Variants in CPED1 observed in about 807,000 individuals in gnomAD.
CPED1 encodes the protein cadherin-like and PC-esterase domain-containing protein 1.
CPED1 carries 114 observed loss-of-function variants against 128.2 expected under a neutral mutation model. That is an observed-to-expected ratio of 0.89 (90% CI 0.76 to 1.04). The LOEUF is 1.04. Ranked by LOEUF, CPED1 falls within the 50% of genes least tolerant of loss-of-function variation. The pLI is 0.00. For missense variants in CPED1, 1,211 were observed against 1,207.1 expected (o/e 1.00, Z -0.05); for synonymous variants, 462 against 426.7 (o/e 1.08, Z -1.02).
At chr7:121,017,534 C>A (rs1792332689) in intron 3 of CPED1, among the ~76,000 whole-genome samples, 1 of 152,096 alleles carries the variant, frequency 6.6e-6, no homozygotes, top group African/African-American at 2.4e-5. Flanking sequence ...CTGCACACTG[C>A]CATGGGACCC....
In CPED1 at chr7:121,221,870, G is replaced by A. The variant is rs1188983958; in HGVS notation, c.2056-14844G>A. Among the ~76,000 whole-genome samples the A allele has an allele frequency of 2.6e-5, 4 of 152,210 alleles. No individual in the cohort carries two copies. The East Asian group carries it at 7.7e-4, about 29-fold the overall frequency. ...TCTGGATATTAGCCCTTTGTCAGAT[G>A]GGTAGATTGCAAAAATTTTCTCCCA... On this transcript the variant is annotated intron_variant, in intron 16 of 22. Transcript: ENST00000310396.
At chr7:121,223,886 T>G (rs1797942578) in intron 16 of CPED1, among the ~76,000 whole-genome samples, 1 of 152,122 alleles carries the variant, frequency 6.6e-6, no homozygotes, top group Non-Finnish European at 1.5e-5. Flanking sequence ...TCTATCAATT[T>G]TGTTGATCTT....
chr7:121,281,355 G>A (rs1792459172), intron 22 of CPED1, among the ~76,000 whole-genome samples: 1 of 152,122 alleles, frequency 6.6e-6, no homozygotes, highest in South Asian at 2.1e-4. Context: ...AATAGTGAAA[G>A]TTGCAATGTT....
intron 7 of CPED1, among the ~76,000 whole-genome samples, chr7:121,104,369 T>C (rs1794920596): frequency 6.6e-6 from 1 of 152,282 alleles, no homozygotes; most frequent in Admixed American, 6.5e-5. Context: ...AAAGATTAAC[T>C]GCAAGAAATG....
chr7:121,278,686 C>T (rs798906), intron 22 of CPED1, among the ~76,000 whole-genome samples: 76,467 of 151,960 alleles, frequency 0.5, 22,657 homozygotes, highest in African/African-American at 0.83. Flanking sequence ...AATAAATTCA[C>T]TGGTCATGAG....
At chr7:121,235,796 G>C (rs576539972) in intron 16 of CPED1, among the ~76,000 whole-genome samples, 15 of 152,186 alleles carry the variant, frequency 9.9e-5, no homozygotes, top group Admixed American at 3.9e-4. Flanking sequence ...GAAACAAAGG[G>C]GGAGCTGACA....
intron 17 of CPED1, among the ~76,000 whole-genome samples, chr7:121,239,996 G>C (rs1798349283): frequency 6.6e-6 from 1 of 152,060 alleles, no homozygotes; most frequent in African/African-American, 2.4e-5. Flanking sequence ...AAAATGTCAA[G>C]AGCACCAGTT....
chr7:121,042,106 G>A (rs1281149225), intron 3 of CPED1, among the ~76,000 whole-genome samples: 5 of 133,060 alleles, frequency 3.8e-5, no homozygotes, highest in Admixed American at 1.7e-4. Context: ...CTCCGCAACA[G>A]GGAAAGAAAT....
intron 2 of CPED1, among the ~76,000 whole-genome samples, chr7:121,002,928 G>T (rs1225581327): frequency 1.3e-5 from 2 of 152,146 alleles, no homozygotes; most frequent in Non-Finnish European, 2.9e-5. Context: ...AGCATTTATA[G>T]TAATGTAACC....
chr7:121,127,204 C>G lies in CPED1; in HGVS notation c.1249C>G (p.Leu417Val). The change falls in exon 10 of 23, where the codon CTT (leucine) becomes GTT (valine). Residue 417 changes from leucine (L) to valine (V), a missense_variant. Transcript: ENST00000310396. Reference protein sequence around the residue: ...FNFLFPNESSLSIFSEIFQRL... With the variant: ...FNFLFPNESSVSIFSEIFQRL... The stretch of plus-strand genomic sequence containing the variant: ...TTTTCTCTTCCCTAATGAATCATCA[C>G]TTTCCATATTTTCTGAGATATTTCA... 1.3e-6 allele frequency: 2 copies of G among 1,594,642 alleles called. No individual in the cohort carries two copies. The highest frequency in any genetic ancestry group is 1.7e-6 in the Non-Finnish European group (2 of 1,164,372).
rs529790827 is a variant in CPED1 at position 121,204,544 on chromosome 7, A to G, written c.2056-32170A>G. On this transcript the variant is annotated intron_variant, in intron 16 of 22. Coordinates refer to ENST00000310396, the MANE Select transcript of CPED1 (RefSeq NM_024913.5). ...CCTGCCCAAATCTGAATTGATCTCC[A>G]GAATGATGGGCAGAGCAAATCACAG... Among the ~76,000 whole-genome samples, 200 of 152,258 alleles carry G rather than the reference A, an allele frequency of 1.3e-3. 2 individuals are homozygous for G. The highest frequency in any genetic ancestry group is 1.6e-3 in the Non-Finnish European group (108 of 67,996).
chr7:121,059,991 C>G (rs1279342260), intron 4 of CPED1, among the ~76,000 whole-genome samples: 1 of 152,134 alleles, frequency 6.6e-6, no homozygotes, highest in Non-Finnish European at 1.5e-5. Flanking sequence ...GAGCGGGAAC[C>G]CGGGCTGCGC....
chr7:121,206,962 G>T (rs1181737549), intron 16 of CPED1, among the ~76,000 whole-genome samples: 1 of 151,826 alleles, frequency 6.6e-6, no homozygotes, highest in Non-Finnish European at 1.5e-5. Flanking sequence ...ATACACACCT[G>T]CATACATTTG....
chr7:121,093,766 G>C (rs2116197961), intron 5 of CPED1, among the ~76,000 whole-genome samples: 1 of 152,222 alleles, frequency 6.6e-6, no homozygotes, highest in Admixed American at 6.5e-5. Flanking sequence ...GCTTTTGCCT[G>C]GTTCTGGAAA....
intron 3 of CPED1, among the ~76,000 whole-genome samples, chr7:121,032,037 G>A (rs1196705841): frequency 1.3e-5 from 2 of 152,110 alleles, no homozygotes; most frequent in Admixed American, 6.5e-5. Context: ...TACATTGCTT[G>A]TGGAAATGTG....
chr7:121,230,787 A>G (rs565021935), intron 16 of CPED1, among the ~76,000 whole-genome samples: 50 of 152,108 alleles, frequency 3.3e-4, no homozygotes, highest in Non-Finnish European at 7.1e-4. Flanking sequence ...ACTGACCAGA[A>G]ATGTGTCAGT....
chr7:121,258,049 G>A lies in CPED1; in HGVS notation c.2311-8178G>A, dbSNP rs192202216. Among the ~76,000 whole-genome samples, 456 of 152,134 alleles carry A rather than the reference G, an allele frequency of 3.0e-3. 7 individuals are homozygous for A. The highest frequency in any genetic ancestry group is 0.028 in the Admixed American group (422 of 15,256). On this transcript the variant is annotated intron_variant, in intron 18 of 22. Transcript: ENST00000310396. The stretch of plus-strand genomic sequence containing the variant: ...AAAGTCTCAGGCTGGCAATCAGGAA[G>A]CCTAAGCTACAGTTCTGATCCCACC...
chr7:121,014,334 C>T (rs1361975058), intron 2 of CPED1, among the ~76,000 whole-genome samples: 2 of 152,012 alleles, frequency 1.3e-5, no homozygotes, highest in African/African-American at 2.4e-5. Flanking sequence ...GGGCGGATCA[C>T]GAGGTCAGGA....
intron 3 of CPED1, among the ~76,000 whole-genome samples, chr7:121,027,540 A>T (rs1230846321): frequency 6.6e-6 from 1 of 151,994 alleles, no homozygotes; most frequent in Admixed American, 6.6e-5. Context: ...AAAATTAGTG[A>T]TCTTCATAAG....
Sources: allele counts gnomAD v4.1 joint callset (sites outside exome capture counted in the v4.1 genomes callset), GRCh38; gene constraint gnomAD v4.1.1; transcripts MANE v1.5; gene names NCBI Gene and HGNC (gene_info 2026-07-23, HGNC 2026-07-21).